Variants in COL11A2 observed in about 807,000 individuals in gnomAD.
COL11A2 encodes collagen alpha-2(XI) chain.
Under a neutral mutation model 273.4 loss-of-function variants are expected in COL11A2, and 116 were observed. The observed-to-expected ratio is 0.42, with a 90% CI of 0.36 to 0.49. The LOEUF (loss-of-function observed/expected upper bound fraction) is 0.49. Ranked by LOEUF, COL11A2 falls within the 20% of genes least tolerant of loss-of-function variation. The pLI is 0.00. For missense variants in COL11A2, 1,866 were observed against 2,309.0 expected, an observed-to-expected ratio of 0.81 and a Z score of 3.93; for synonymous variants, 782 against 864.2, an observed-to-expected ratio of 0.90 and a Z score of 1.67.
At position 33,176,915 on chromosome 6, in the gene COL11A2, C is replaced by T; in HGVS notation, c.2070+77G>A. ...ACCAGTGACCTTTCAGTGCAAGGGT[C>T]ACTAAAGGAGCTCTGAGGTCATGCA... On this transcript the variant is annotated intron_variant, in intron 25 of 65. Coordinates refer to ENST00000341947, the MANE Select transcript of COL11A2 (RefSeq NM_080680.3). This position sits in a 1 kb window ranked among gnomAD's most constrained non-coding sequence, Gnocchi z 4.9. 2 of 1,552,678 alleles carry T rather than the reference C, an allele frequency of 1.3e-6. No homozygotes were observed. The highest frequency in any genetic ancestry group is 4.6e-5 in the East Asian group (2 of 43,308).
intron 29 of COL11A2, 116 bp from the exon 30 acceptor site, chr6:33,175,797 C>A: frequency 8.7e-7 from 1 of 1,143,946 alleles, no homozygotes; most frequent in Non-Finnish European, 1.3e-6. Context: ...GGAGCCACTG[C>A]AGGACAGGAA....
chr6:33,173,312 G>GC lies in COL11A2; in HGVS notation c.2736+35dup. The GC allele has an allele frequency of 1.2e-6, 2 of 1,608,726 alleles. No homozygotes were observed. Among genetic ancestry groups the GC allele is most frequent in the Non-Finnish European group, 1.7e-6 (2 of 1,178,580 alleles). ...CTCTGGGGTTAAAGGGTCTGATGGA[G>GC]CCCCCTGAGAATGGGTAGCCAGGAG... On this transcript the variant is annotated intron_variant, in intron 37 of 65. Transcript: ENST00000341947. This position sits in a 1 kb window ranked among gnomAD's most constrained non-coding sequence, Gnocchi z 6.3.
Position 33,180,299 on chromosome 6 carries a change from C to G in COL11A2, c.1318G>C (p.Asp440His). 1 of 1,613,000 alleles carries G rather than the reference C, an allele frequency of 6.2e-7. No homozygotes were observed. Among genetic ancestry groups the G allele is most frequent in the Admixed American group, 1.7e-5 (1 of 60,034 alleles). The change falls in exon 12 of 66, where the codon GAT becomes CAT. Residue 440 changes from aspartate (D) to histidine (H), a missense_variant. Transcript: ENST00000341947. ...GTGCCAGGAGGACCAGGAGCCCCAT[C>G]TGATCCAGGGAGCCCTGCTCGGCCA... The part of the protein sequence containing the change: ...PPGRAGLPGS[D>H]GAPGPPGTSL...
chr6:33,190,276 G>A lies in COL11A2; in HGVS notation c.83-807C>T, dbSNP rs1389550620. Among the ~76,000 whole-genome samples, 1 of 152,082 alleles carries A rather than the reference G, an allele frequency of 6.6e-6. No homozygotes were observed. The highest frequency in any genetic ancestry group is 1.5e-5 in the Non-Finnish European group (1 of 67,996). ...GTCCAGGGCCCTGAGCCACACATCT[G>A]TGGATCCCATCAGAGTGCTTGCCCA... is the stretch of plus-strand genomic sequence containing the variant. On this transcript the variant is annotated intron_variant, in intron 1 of 65. Coordinates refer to ENST00000341947, the MANE Select transcript of COL11A2 (RefSeq NM_080680.3). The surrounding 1 kb of genome is among the most constrained non-coding windows in gnomAD (Gnocchi z 4.5).
At chr6:33,187,106 G>A (rs1472823869) in intron 4 of COL11A2, among the ~76,000 whole-genome samples, 1 of 152,234 alleles carries the variant, frequency 6.6e-6, no homozygotes, top group African/African-American at 2.4e-5. Flanking sequence ...GTCACCCAGA[G>A]TGGCAGAATC....
rs1168298821 is a variant in COL11A2, at chr6:33,164,805, G to A, written c.4863+47C>T. On this transcript the variant is annotated intron_variant, in intron 64 of 65. Transcript: ENST00000341947. This position sits in a 1 kb window ranked among gnomAD's most constrained non-coding sequence, Gnocchi z 4.7. ...ACCCAGAAACCACTAAGCCCTGAGG[G>A]GGTGCACTATGGGGCAGGGGAGGGG... 3 of 1,498,690 alleles carry A rather than the reference G, an allele frequency of 2.0e-6. No homozygotes were observed. Among genetic ancestry groups the A allele is most frequent in the Non-Finnish European group, 2.7e-6 (3 of 1,100,936 alleles). 92.8% of individuals were successfully genotyped at this position (1,498,690 alleles called of 1,614,324 possible).
In COL11A2 at chr6:33,163,053, C is replaced by A; in HGVS notation, c.*625G>T. The A allele has an allele frequency of 6.3e-6, 1 of 158,720 alleles. No homozygotes were observed. 9.8% of individuals were successfully genotyped at this position (158,720 alleles called of 1,614,324 possible). ...ACAGTGGGCACATGGGCCAGGCAGC[C>A]AACACCTGTGGGTTAGAGAGCCCCA... On this transcript the variant is annotated 3_prime_UTR_variant, in exon 66 of 66. Coordinates refer to ENST00000341947, the MANE Select transcript of COL11A2 (RefSeq NM_080680.3). This position sits in a 1 kb window ranked among gnomAD's most constrained non-coding sequence, Gnocchi z 4.1.
intron 29 of COL11A2, 86 bp from the exon 30 acceptor site, chr6:33,175,767 G>A: frequency 7.3e-7 from 1 of 1,363,710 alleles, no homozygotes; most frequent in Non-Finnish European, 1.0e-6. Flanking sequence ...GTGAGGCTGA[G>A]GAGGGCTAGA....
rs773358365 is a variant in COL11A2, at chr6:33,177,621, G to A, written c.1917+41C>T. 3.7e-6 allele frequency: 6 copies of A among 1,611,222 alleles called. No individual in the cohort carries two copies. The highest frequency in any genetic ancestry group is 3.3e-5 in the Admixed American group (2 of 60,002). On this transcript the variant is annotated intron_variant, in intron 22 of 65. Coordinates refer to ENST00000341947, the MANE Select transcript of COL11A2 (RefSeq NM_080680.3). This position sits in a 1 kb window ranked among gnomAD's most constrained non-coding sequence, Gnocchi z 5.9. ...CAACAGGATGCTGGCAGGGACCTCGGGGGATAAGAATGGGGGTGGGATCTC... is the reference window on the plus strand; with the variant it reads ...CAACAGGATGCTGGCAGGGACCTCGAGGGATAAGAATGGGGGTGGGATCTC...
At position 33,176,334 on chromosome 6, in the gene COL11A2, G is replaced by A; in HGVS notation, c.2170-31C>T. 6.2e-7 allele frequency: 1 copy of A among 1,601,930 alleles called. No homozygotes were observed. The highest frequency in any genetic ancestry group is 8.5e-7 in the Non-Finnish European group (1 of 1,173,882). On this transcript the variant is annotated intron_variant, in intron 27 of 65. Transcript: ENST00000341947. This position sits in a 1 kb window ranked among gnomAD's most constrained non-coding sequence, Gnocchi z 4.9. ...ATTAGAGAGGGGATAGAAGTAGACTGATCAGGGGATGGAGGTGGGTTGGAA... is the reference window on the plus strand; with the variant it reads ...ATTAGAGAGGGGATAGAAGTAGACTAATCAGGGGATGGAGGTGGGTTGGAA...
chr6:33,184,008 T>A (rs923983050), intron 8 of COL11A2, 137 bp downstream of exon 8: 30 of 691,922 alleles, frequency 4.3e-5, no homozygotes, highest in Non-Finnish European at 6.2e-5. Flanking sequence ...AACATATACA[T>A]CATATGTGAA....
rs1043870737 is a variant in COL11A2 at position 33,168,944 on chromosome 6, G to A, written c.3852+11C>T. 5.6e-6 allele frequency: 9 copies of A among 1,603,110 alleles called. No homozygotes were observed. In the Admixed American group the frequency reaches 6.8e-5, roughly 12 times the overall value. On this transcript the variant is annotated intron_variant, in intron 52 of 65. Coordinates refer to ENST00000341947, the MANE Select transcript of COL11A2 (RefSeq NM_080680.3). ...CCTTTTTGCCCCTTCCCTTCTCTGA[G>A]TAAGACTCACCCGAGGGCCACCTTC...
Position 33,165,685 on chromosome 6 carries a change from C to G in COL11A2, c.4614G>C (p.Gly1538=). 1 of 1,611,508 alleles carries G rather than the reference C, an allele frequency of 6.2e-7. No homozygotes were observed. Among genetic ancestry groups the G allele is most frequent in the Non-Finnish European group, 8.5e-7 (1 of 1,179,982 alleles). Reference sequence around the variant, plus strand: ...GTGAGCCAAAGATCTCCTCCAGCCCCCCAGGACTGCCGGGGGCTCCCCCGG... The same window carrying G: ...GTGAGCCAAAGATCTCCTCCAGCCCGCCAGGACTGCCGGGGGCTCCCCCGG... The part of the protein sequence containing the change: ...IPTGGAPGSP[G]GLEEIFGSLD... Residue 1538 remains glycine (G), a synonymous_variant, in exon 63 of 66, where the codon GGG becomes GGC. Coordinates refer to ENST00000341947, the MANE Select transcript of COL11A2 (RefSeq NM_080680.3). This position sits in a 1 kb window ranked among gnomAD's most constrained non-coding sequence, Gnocchi z 7.7.
chr6:33,191,091 T>C (rs948787361), intron 1 of COL11A2, among the ~76,000 whole-genome samples: 3 of 152,062 alleles, frequency 2.0e-5, no homozygotes, highest in Non-Finnish European at 2.9e-5. Flanking sequence ...GCCCCTGAAA[T>C]AAGAAACAGT....
Position 33,179,389 on chromosome 6 carries a change from C to A in COL11A2, c.1503+42G>T. On this transcript the variant is annotated intron_variant, in intron 14 of 65. Coordinates refer to ENST00000341947, the MANE Select transcript of COL11A2 (RefSeq NM_080680.3). The surrounding 1 kb of genome is among the most constrained non-coding windows in gnomAD (Gnocchi z 6.4). Reference sequence around the variant, plus strand: ...TTTCCAGAACTATCCACACCCCACACACAATTAAAGCATCCTCCACCCGAG... The same window carrying A: ...TTTCCAGAACTATCCACACCCCACAAACAATTAAAGCATCCTCCACCCGAG... The A allele has an allele frequency of 6.4e-7, 1 of 1,568,140 alleles. No homozygotes were observed. The highest frequency in any genetic ancestry group is 8.6e-7 in the Non-Finnish European group (1 of 1,156,610).
At chr6:33,186,494 G>T in intron 5 of COL11A2, 133 bp downstream of exon 5, 1 of 1,525,292 alleles carries the variant, frequency 6.6e-7, no homozygotes, top group Non-Finnish European at 8.8e-7. Flanking sequence ...AAAGGCTGAT[G>T]AATGAGGACT....
In COL11A2 at chr6:33,178,773, G is replaced by T. The variant is rs991533824; in HGVS notation, c.1666-41C>A. On this transcript the variant is annotated intron_variant, in intron 17 of 65. Transcript: ENST00000341947. The surrounding 1 kb of genome is among the most constrained non-coding windows in gnomAD (Gnocchi z 4.6). ...ATAGCCAGAGTGAGGACACGACCCT[G>T]TCCAAGCCCACCCCTCCCTACTGCA... is the stretch of plus-strand genomic sequence containing the variant. 6.2e-7 allele frequency: 1 copy of T among 1,611,604 alleles called. No homozygotes were observed. Among genetic ancestry groups the T allele is most frequent in the African/African-American group, 1.3e-5 (1 of 74,844 alleles).
chr6:33,167,620 G>A lies in COL11A2; in HGVS notation c.4015-87C>T. On this transcript the variant is annotated intron_variant, in intron 55 of 65. Coordinates refer to ENST00000341947, the MANE Select transcript of COL11A2 (RefSeq NM_080680.3). This position sits in a 1 kb window ranked among gnomAD's most constrained non-coding sequence, Gnocchi z 6.1. ...GAGGGTCCAAGGTGGGAGGCAGGAG[G>A]CAGGGAGGAAGGGCCAAACTCTAGG... The A allele has an allele frequency of 6.6e-7, 1 of 1,526,478 alleles. No homozygotes were observed. Among genetic ancestry groups the A allele is most frequent in the African/African-American group, 1.4e-5 (1 of 73,138 alleles). The allele number at this position is 1,526,478 out of a possible 1,614,324, so 94.6% of individuals were successfully genotyped here.
At chr6:33,186,571 G>A in intron 5 of COL11A2, 56 bp downstream of exon 5, 2 of 1,613,672 alleles carry the variant, frequency 1.2e-6, no homozygotes, top group African/African-American at 2.7e-5. Flanking sequence ...AGAGATGCCT[G>A]GGTGTCTTCC....
Sources: gnomAD v4.1 joint callset for allele counts (sites outside exome capture counted in the v4.1 genomes callset) on GRCh38, gnomAD v4.1.1 for gene constraint, Gnocchi (gnomAD v3.1) non-coding constraint, MANE v1.5 for transcripts, NCBI Gene and HGNC (gene_info 2026-07-23, HGNC 2026-07-21) for gene names.